Variants in TTYH2 observed in about 807,000 individuals in gnomAD.
TTYH2 encodes the protein tweety family member 2, also known as protein tweety homolog 2.
In TTYH2, 49 loss-of-function variants were observed where a neutral mutation model predicts 68.3. That is an observed-to-expected ratio of 0.72 (90% CI 0.57 to 0.91). The LOEUF (loss-of-function observed/expected upper bound fraction) is 0.91. TTYH2 is among the 40% of genes least tolerant of loss of function. The pLI, the probability that TTYH2 is intolerant of heterozygous loss-of-function variation, is 0.00. For synonymous variants in TTYH2, 272 were observed against 300.8 expected (o/e 0.90, Z 0.99); for missense variants, 631 against 700.4 (o/e 0.90, Z 1.12).
chr17:74,218,616 G>A (rs964615934), intron 1 of TTYH2, among the ~76,000 whole-genome samples: 1 of 152,092 alleles, frequency 6.6e-6, no homozygotes, highest in Non-Finnish European at 1.5e-5. Context: ...AAACCTAATT[G>A]AGGCCAGCTG....
At chr17:74,234,341 T>G (rs1312147495) in intron 3 of TTYH2, among the ~76,000 whole-genome samples, 1 of 152,244 alleles carries the variant, frequency 6.6e-6, no homozygotes, top group Non-Finnish European at 1.5e-5. Flanking sequence ...GTCCCTCCTG[T>G]TCTCAGAGCT....
chr17:74,230,121 ACT>A (rs766390804), intron 2 of TTYH2, among the ~76,000 whole-genome samples: 47 of 152,092 alleles, frequency 3.1e-4, no homozygotes, highest in Non-Finnish European at 5.6e-4. Flanking sequence ...ACAGAGCGAA[ACT>A]CTGTCTCAAA....
intron 13 of TTYH2, among the ~76,000 whole-genome samples, chr17:74,257,189 C>T (rs939245255): frequency 6.6e-6 from 1 of 152,246 alleles, no homozygotes; most frequent in African/African-American, 2.4e-5. Flanking sequence ...GGCCACTCAT[C>T]CTGCCGTTAG....
intron 2 of TTYH2, among the ~76,000 whole-genome samples, chr17:74,223,203 G>A (rs2050295245): frequency 6.6e-6 from 1 of 151,784 alleles, no homozygotes; most frequent in South Asian, 2.1e-4. Flanking sequence ...CAAACTCCTA[G>A]GCTTAAGCAA....
Position 74,250,469 on chromosome 17 carries a change from G to A in TTYH2, c.1116+112G>A, listed in dbSNP as rs533602384. ...GGAGCGATGGCCTGGGTCCCCTTCCGGCCCAGGAATGGAACTGAAGCCAGA... is the reference window on the plus strand; with the variant it reads ...GGAGCGATGGCCTGGGTCCCCTTCCAGCCCAGGAATGGAACTGAAGCCAGA... On this transcript the variant is annotated intron_variant, in intron 10 of 13. Coordinates refer to ENST00000269346, the MANE Select transcript of TTYH2 (RefSeq NM_032646.6). 3.1e-3 allele frequency: 2,754 copies of A among 884,640 alleles called. 11 individuals are homozygous for A. The highest frequency in any genetic ancestry group is 3.0e-3 in the Non-Finnish European group (1,730 of 579,390). The allele number at this position is 884,640 out of a possible 1,614,324, so 54.8% of individuals were successfully genotyped here. A position where few individuals can be genotyped will look rare whatever the true frequency, so the allele number is the denominator to read the frequency against.
chr17:74,227,656 C>T (rs2050343545), intron 2 of TTYH2, among the ~76,000 whole-genome samples: 2 of 152,024 alleles, frequency 1.3e-5, no homozygotes, highest in Non-Finnish European at 2.9e-5. Context: ...CTGGTTGAAC[C>T]CAATGAATAT....
At position 74,231,135 on chromosome 17, in the gene TTYH2, C is replaced by T. The variant is rs1299885953; in HGVS notation, c.414+136C>T. ...GTGTGACGCCTGAGGGCTGGACCCC[C>T]GCCTGCGCTGCAGTTGCCTCTGCTG... On this transcript the variant is annotated intron_variant, in intron 3 of 13. Coordinates refer to ENST00000269346, the MANE Select transcript of TTYH2 (RefSeq NM_032646.6). The T allele has an allele frequency of 2.0e-5, 16 of 780,816 alleles. No homozygotes were observed. The East Asian group carries it at 2.4e-4, about 12-fold the overall frequency. The allele number at this position is 780,816 out of a possible 1,614,324, so 48.4% of individuals were successfully genotyped here.
chr17:74,218,530 TC>T (rs1219779842), intron 1 of TTYH2, among the ~76,000 whole-genome samples: 1,945 of 121,296 alleles, frequency 0.016, 33 homozygotes, highest in African/African-American at 0.043. Context: ...AAAAAGGAAA[TC>T]AAAAAAAAAA....
intron 6 of TTYH2, among the ~76,000 whole-genome samples, chr17:74,246,618 T>C (rs773370126): frequency 6.6e-6 from 1 of 152,086 alleles, no homozygotes; most frequent in Admixed American, 6.6e-5. Flanking sequence ...CCAACTATGC[T>C]CAGTGACCTC....
At chr17:74,249,248 A>G in intron 7 of TTYH2, 96 bp from the exon 8 acceptor site, 2 of 1,574,012 alleles carry the variant, frequency 1.3e-6, no homozygotes, top group South Asian at 1.1e-5. Context: ...TTGGGAGCTC[A>G]GGGACGGGGA....
chr17:74,249,886 GC>G (rs1398088766), intron 8 of TTYH2, 49 bp from the exon 9 acceptor site: 3 of 1,462,244 alleles, frequency 2.1e-6, no homozygotes, highest in African/African-American at 2.8e-5. Flanking sequence ...TCACTGTGGG[GC>G]TCCTGGGAGA....
intron 3 of TTYH2, among the ~76,000 whole-genome samples, chr17:74,231,296 G>A (rs1173738364): frequency 6.6e-6 from 1 of 152,212 alleles, no homozygotes; most frequent in Non-Finnish European, 1.5e-5. Context: ...AGGAGACCTT[G>A]AACATGGAAA....
chr17:74,214,403 T>C lies in TTYH2; in HGVS notation c.129+687T>C, dbSNP rs1046060296. On this transcript the variant is annotated intron_variant, in intron 1 of 13. Transcript: ENST00000269346. The surrounding 1 kb of genome is among the most constrained non-coding windows in gnomAD (Gnocchi z 4.6). ...CTGTTGTCCTGAGGACCCCCTTGCA[T>C]TGACAGTCAGCTTCTCTGTGTCCCC... Among the ~76,000 whole-genome samples, 6 of 152,170 alleles carry C rather than the reference T, an allele frequency of 3.9e-5. No homozygotes were observed. Among genetic ancestry groups the C allele is most frequent in the Admixed American group, 1.3e-4 (2 of 15,284 alleles).
At chr17:74,248,302 T>A (rs1363145688) in intron 6 of TTYH2, 1 of 985,682 alleles carries the variant, frequency 1.0e-6, no homozygotes, top group African/African-American at 1.7e-5. Flanking sequence ...GGAGGCCATG[T>A]CCTTGCTGCC....
chr17:74,220,225 G>A (rs963218409), intron 1 of TTYH2, among the ~76,000 whole-genome samples: 8 of 152,180 alleles, frequency 5.3e-5, no homozygotes, highest in African/African-American at 1.9e-4. Flanking sequence ...AGGACAGAAC[G>A]TGGCATTTCT....
At position 74,252,320 on chromosome 17, in the gene TTYH2, C is replaced by T. The variant is rs748789664; in HGVS notation, c.1203C>T (p.Leu401=). ...YLGLFSFLAA[L]AFSTMICAGP... ...GCCTCTTCTCCTTCCTGGCCGCCCT[C>T]GCCTTCTCCACCATGATCTGTGCAG... is the stretch of plus-strand genomic sequence containing the variant. Residue 401 remains leucine (L), a synonymous_variant, in exon 11 of 14, where the codon CTC becomes CTT. Transcript: ENST00000269346. The T allele has an allele frequency of 1.6e-5, 26 of 1,613,952 alleles. No individual in the cohort carries two copies. Among genetic ancestry groups the T allele is most frequent in the East Asian group, 2.2e-5 (1 of 44,890 alleles).
intron 3 of TTYH2, among the ~76,000 whole-genome samples, chr17:74,231,958 C>T (rs1036145700): frequency 2.6e-5 from 4 of 152,164 alleles, no homozygotes; most frequent in African/African-American, 9.7e-5. Flanking sequence ...GGGAGGAGCA[C>T]GACAAGGGTG....
chr17:74,240,188 C>T (rs1393967178), intron 4 of TTYH2, among the ~76,000 whole-genome samples: 2 of 152,188 alleles, frequency 1.3e-5, no homozygotes, highest in Admixed American at 6.5e-5. Context: ...GCTGTAATCC[C>T]AGCACTTTGG....
At chr17:74,219,568 C>T (rs188778519) in intron 1 of TTYH2, among the ~76,000 whole-genome samples, 197 of 152,120 alleles carry the variant, frequency 1.3e-3, no homozygotes, top group Non-Finnish European at 2.2e-3. Flanking sequence ...TCTTGAAATC[C>T]GCACCCTCCC....
Sources: gnomAD v4.1 joint callset for allele counts (sites outside exome capture counted in the v4.1 genomes callset) on GRCh38, gnomAD v4.1.1 for gene constraint, Gnocchi (gnomAD v3.1) non-coding constraint, MANE v1.5 for transcripts, NCBI Gene and HGNC (gene_info 2026-07-23, HGNC 2026-07-21) for gene names.